Variants in SPDL1 observed in about 807,000 individuals in gnomAD.
SPDL1 encodes the protein protein Spindly.
Under a neutral mutation model 79.5 loss-of-function variants are expected in SPDL1, and 85 were observed. The ratio of observed to expected loss-of-function variants is 1.07; its 90% CI spans 0.90 to 1.28. SPDL1 has a LOEUF of 1.28. Ranked by LOEUF, SPDL1 falls within the 50% of genes most tolerant of loss-of-function variation. The pLI, the probability that SPDL1 is intolerant of heterozygous loss-of-function variation, is 0.00. For synonymous variants in SPDL1, 269 were observed against 240.3 expected (o/e 1.12, Z -1.10); for missense variants, 703 against 697.8 (o/e 1.01, Z -0.08).
intron 11 of SPDL1, 100 bp downstream of exon 11, chr5:169,601,725 A>T (rs1474646184): frequency 9.3e-7 from 1 of 1,079,802 alleles, no homozygotes; most frequent in African/African-American, 1.6e-5. Context: ...ACTTTCTTAC[A>T]ATTGCATGCA....
intron 7 of SPDL1, among the ~76,000 whole-genome samples, chr5:169,594,991 G>A (rs925218104): frequency 2.0e-5 from 3 of 152,092 alleles, no homozygotes; most frequent in Middle Eastern, 6.8e-3. Context: ...CTTATTCTTG[G>A]CCTGATGTCT....
Position 169,591,080 on chromosome 5 carries a change from A to G in SPDL1, c.192A>G (p.Arg64=), listed in dbSNP as rs373745555. Residue 64 remains arginine (R), a synonymous_variant, in exon 3 of 12, where the codon AGA becomes AGG. Transcript: ENST00000265295. ...SYEQEKYTLQ[R]EVELKSRMLE... ...AACAAGAAAAATATACCCTTCAAAG[A>G]GAAGTTGAACTCAAGAGTCGAATGT... 4.3e-5 allele frequency: 69 copies of G among 1,613,832 alleles called. No homozygotes were observed. In the African/African-American group the frequency reaches 8.9e-4, roughly 21 times the overall value.
intron 5 of SPDL1, 39 bp from the exon 6 acceptor site, chr5:169,594,355 G>A (rs1281530798): frequency 1.9e-6 from 3 of 1,612,184 alleles, no homozygotes; most frequent in Non-Finnish European, 1.7e-6. Flanking sequence ...TCTTGCTAAT[G>A]TAATCTCTGT....
intron 2 of SPDL1, among the ~76,000 whole-genome samples, chr5:169,589,457 A>G (rs1345982645): frequency 6.6e-6 from 1 of 152,008 alleles, no homozygotes; most frequent in Non-Finnish European, 1.5e-5. Flanking sequence ...GTAGATCCCT[A>G]TGTGACCTGA....
At chr5:169,596,013 T>G (rs950504904) in intron 7 of SPDL1, 4 of 151,962 alleles carry the variant, frequency 2.6e-5, no homozygotes, top group Non-Finnish European at 5.9e-5. Context: ...AGATTTGGGG[T>G]GGGGGAGGTA....
Position 169,601,320 on chromosome 5 carries a change from G to C in SPDL1, c.1365G>C (p.Val455=). 6.2e-7 allele frequency: 1 copy of C among 1,613,512 alleles called. No homozygotes were observed. The highest frequency in any genetic ancestry group is 8.5e-7 in the Non-Finnish European group (1 of 1,179,928). ...CTGTACTGAAAAAGAGGCGTGAGGT[G>C]CTCCCTGTGGATATAACCACCGCTA... The part of the protein sequence containing the change: ...EVPVLKKRRE[V]LPVDITTAKD... The change falls in exon 11 of 12, where the codon GTG becomes GTC. Residue 455 remains valine, a synonymous_variant. Transcript: ENST00000265295.
In SPDL1 at chr5:169,594,183, A is replaced by T. The variant is rs767162543; in HGVS notation, c.570A>T (p.Arg190Ser). The change falls in exon 5 of 12, where the codon AGA (arginine) becomes AGT (serine). Residue 190 changes from arginine to serine, a missense_variant. Physicochemically the swap from Arg to Ser is moderately radical, Grantham distance 110. Coordinates refer to ENST00000265295, the MANE Select transcript of SPDL1 (RefSeq NM_017785.5). ...AAGAAGTGAATGAACTACAATACAG[A>T]CAAGAACAGCTAGAACTTCTTATTA... ...LKEEVNELQY[R>S]QEQLELLITN... is the part of the protein sequence containing the mutation. 6.2e-7 allele frequency: 1 copy of T among 1,613,360 alleles called. No homozygotes were observed. The highest frequency in any genetic ancestry group is 1.3e-5 in the African/African-American group (1 of 74,884).
At position 169,588,526 on chromosome 5, in the gene SPDL1, T is replaced by C. The variant is rs371059436; in HGVS notation, c.110T>C (p.Leu37Ser). The change falls in exon 2 of 12, where the codon TTA becomes TCA. Residue 37 changes from leucine to serine, a missense_variant. Coordinates refer to ENST00000265295, the MANE Select transcript of SPDL1 (RefSeq NM_017785.5). ...CAACTAGTAGAGAGTCAAAATGAAT[T>C]ACAGAATCAATTGGATAAATGTCGT... Reference protein sequence around the residue: ...GLQLVESQNELQNQLDKCRNE... With the variant: ...GLQLVESQNESQNQLDKCRNE... 9 of 1,613,628 alleles carry C rather than the reference T, an allele frequency of 5.6e-6. No homozygotes were observed. Among genetic ancestry groups the C allele is most frequent in the Non-Finnish European group, 7.6e-6 (9 of 1,179,834 alleles).
At chr5:169,598,251 T>C (rs1173264744) in intron 8 of SPDL1, among the ~76,000 whole-genome samples, 1 of 152,100 alleles carries the variant, frequency 6.6e-6, no homozygotes, top group Admixed American at 6.5e-5. Flanking sequence ...TCAGGTTCTC[T>C]CTTCTTGGTT....
At chr5:169,597,702 T>C (rs1333402106) in intron 8 of SPDL1, among the ~76,000 whole-genome samples, 1 of 152,172 alleles carries the variant, frequency 6.6e-6, no homozygotes, top group East Asian at 1.9e-4. Flanking sequence ...AAGTTCTAAA[T>C]GACAAATTTT....
chr5:169,601,679 C>CT, intron 11 of SPDL1, 54 bp downstream of exon 11: 1 of 1,431,570 alleles, frequency 7.0e-7, no homozygotes, highest in Non-Finnish European at 9.8e-7. Context: ...TCTCTCCTCT[C>CT]TCGCTGCATG....
At chr5:169,591,269 G>A (rs770480726) in intron 3 of SPDL1, 45 bp downstream of exon 3, 1 of 1,572,478 alleles carries the variant, frequency 6.4e-7, no homozygotes, top group Non-Finnish European at 8.7e-7. Flanking sequence ...CCATATTTAT[G>A]CAGCCATCTG....
chr5:169,601,846 GTT>G (rs1454239480), intron 11 of SPDL1: 2 of 621,910 alleles, frequency 3.2e-6, no homozygotes, highest in Non-Finnish European at 5.8e-6. Context: ...ACATTAAAAA[GTT>G]ACACGTTTCT....
intron 11 of SPDL1, 104 bp from the exon 12 acceptor site, chr5:169,603,956 C>A: frequency 7.9e-7 from 1 of 1,269,260 alleles, no homozygotes; most frequent in Non-Finnish European, 1.1e-6. Context: ...TATTTTTTTT[C>A]CTTGAATACC....
At chr5:169,599,261 C>G in intron 10 of SPDL1, 102 bp downstream of exon 10, 1 of 1,000,874 alleles carries the variant, frequency 1.0e-6, no homozygotes, top group Non-Finnish European at 1.4e-6. Flanking sequence ...ATTACAAACT[C>G]ATTTGTAGTT....
rs1232059753 is a variant in SPDL1, at chr5:169,591,241, A to G, written c.336+17A>G. 1.2e-6 allele frequency: 2 copies of G among 1,604,844 alleles called. No homozygotes were observed. Among genetic ancestry groups the G allele is most frequent in the African/African-American group, 2.7e-5 (2 of 74,384 alleles). Reference sequence around the variant, plus strand: ...AAAACTAAGGTTGGGATATCTGCGTATTTCAGCACAAAATATTCCATATTT... The same window carrying G: ...AAAACTAAGGTTGGGATATCTGCGTGTTTCAGCACAAAATATTCCATATTT... On this transcript the variant is annotated intron_variant, in intron 3 of 11. Transcript: ENST00000265295.
intron 10 of SPDL1, among the ~76,000 whole-genome samples, chr5:169,599,559 G>T (rs896941787): frequency 1.3e-5 from 2 of 152,176 alleles, no homozygotes; most frequent in African/African-American, 4.8e-5. Context: ...AAAAAGGTGG[G>T]TCTTTATCTC....
At chr5:169,584,500 G>A (rs1326467029) in intron 1 of SPDL1, among the ~76,000 whole-genome samples, 5 of 152,098 alleles carry the variant, frequency 3.3e-5, no homozygotes, top group Admixed American at 3.3e-4. Context: ...CCGATTAGGT[G>A]GGTGTTATTG....
intron 7 of SPDL1, chr5:169,595,357 T>C (rs1231279632): frequency 6.6e-6 from 1 of 152,138 alleles, no homozygotes; most frequent in African/African-American, 2.4e-5. Flanking sequence ...GCCAAAGAAA[T>C]GGGAAAGGTT....
Sources: gnomAD v4.1 joint callset for allele counts (sites outside exome capture counted in the v4.1 genomes callset) on GRCh38, gnomAD v4.1.1 for gene constraint, MANE v1.5 for transcripts, NCBI Gene and HGNC (gene_info 2026-07-23, HGNC 2026-07-21) for gene names.